APC: variants seen among roughly 807,000 people sequenced by gnomAD.
The protein encoded by APC is adenomatous polyposis coli protein.
Under a neutral mutation model 247.0 loss-of-function variants are expected in APC, and 72 were observed. That is an observed-to-expected ratio of 0.29 (90% CI 0.24 to 0.35). The LOEUF (loss-of-function observed/expected upper bound fraction) is 0.35. APC is among the 10% of genes least tolerant of loss of function. APC has a pLI of 1.00. For missense variants in APC, 3,400 were observed against 3,360.7 expected, an observed-to-expected ratio of 1.01 and a Z score of -0.29; for synonymous variants, 1,254 against 1,162.5, an observed-to-expected ratio of 1.08 and a Z score of -1.60.
intron 1 of APC, among the ~76,000 whole-genome samples, chr5:112,749,789 T>A (rs1462866873): frequency 6.6e-6 from 1 of 150,864 alleles, no homozygotes; most frequent in Non-Finnish European, 1.5e-5. Flanking sequence ...CTGGTCCAAT[T>A]TTTTAATAGT....
At position 112,764,284 on chromosome 5, in the gene APC, C is replaced by T. The variant is rs369196982; in HGVS notation, c.136-2042C>T. Among the ~76,000 whole-genome samples, 67 of 150,890 alleles carry T rather than the reference C, an allele frequency of 4.4e-4. 1 individual carries two copies. The highest frequency in any genetic ancestry group is 1.6e-3 in the African/African-American group (64 of 41,156). The stretch of plus-strand genomic sequence containing the variant: ...AAAAAGAGACCTGATCACAGCTGTG[C>T]CTTAAAAAGGCTGCTCTGACAGCTC... On this transcript the variant is annotated intron_variant, in intron 2 of 15. Transcript: ENST00000257430.
chr5:112,723,632 GTGT>G (rs1311313349), intron 1 of APC, among the ~76,000 whole-genome samples: 1 of 152,142 alleles, frequency 6.6e-6, no homozygotes, highest in East Asian at 1.9e-4. Context: ...TAGGAATAAT[GTGT>G]TGACCGGAAT....
chr5:112,749,103 T>C (rs1265241859), intron 1 of APC, among the ~76,000 whole-genome samples: 2 of 152,212 alleles, frequency 1.3e-5, no homozygotes, highest in African/African-American at 4.8e-5. Flanking sequence ...GAGTGACACA[T>C]ATAAATGATC....
intron 7 of APC, among the ~76,000 whole-genome samples, chr5:112,800,421 A>C (rs1228267192): frequency 6.6e-6 from 1 of 152,232 alleles, no homozygotes; most frequent in African/African-American, 2.4e-5. Context: ...GAAATGTTGC[A>C]TATAAATTAA....
intron 2 of APC, among the ~76,000 whole-genome samples, chr5:112,765,585 A>G (rs1412670242): frequency 6.6e-6 from 1 of 152,224 alleles, no homozygotes; most frequent in Non-Finnish European, 1.5e-5. Context: ...AGGAAACCTG[A>G]TTGGCCAAAG....
chr5:112,821,282 C>A (rs759245434), intron 10 of APC, among the ~76,000 whole-genome samples: 3 of 151,974 alleles, frequency 2.0e-5, no homozygotes, highest in Non-Finnish European at 4.4e-5. Flanking sequence ...CGGGCAGGAG[C>A]GGCACTTGAG....
chr5:112,826,743 A>G (rs1272858106), intron 11 of APC, among the ~76,000 whole-genome samples: 1 of 152,034 alleles, frequency 6.6e-6, no homozygotes, highest in African/African-American at 2.4e-5. Flanking sequence ...AGCCCTAATA[A>G]TAATAATAAG....
At chr5:112,819,753 GGGATACAGA>G (rs1464872529) in intron 10 of APC, among the ~76,000 whole-genome samples, 2 of 152,110 alleles carry the variant, frequency 1.3e-5, no homozygotes, top group Non-Finnish European at 2.9e-5. Context: ...TTATATTCAG[GGGATACAGA>G]GCAGCGTTAC....
At chr5:112,829,856 G>A (rs1041634893) in intron 14 of APC, 3 of 152,190 alleles carry the variant, frequency 2.0e-5, no homozygotes, top group African/African-American at 7.2e-5. Flanking sequence ...AGAGCCAAGG[G>A]TGAGGAATCA....
At chr5:112,754,287 C>T (rs186863746) in intron 1 of APC, among the ~76,000 whole-genome samples, 135 of 152,308 alleles carry the variant, frequency 8.9e-4, no homozygotes, top group Non-Finnish European at 1.6e-3. Context: ...GGCTTAAAGT[C>T]TTCATTTAAT....
intron 4 of APC, among the ~76,000 whole-genome samples, chr5:112,774,543 C>CTTGG (rs1034650037): frequency 6.7e-6 from 1 of 149,460 alleles, no homozygotes; most frequent in African/African-American, 2.4e-5. Context: ...TCACTGCAGC[C>CTTGG]TTGGCCTCCT....
At chr5:112,764,685 T>G in intron 2 of APC, among the ~76,000 whole-genome samples, 1 of 152,176 alleles carries the variant, frequency 6.6e-6, no homozygotes, top group East Asian at 1.9e-4. Flanking sequence ...CATTGGAAAT[T>G]AACTGCTCAA....
At chr5:112,754,269 A>T (rs1394338355) in intron 1 of APC, among the ~76,000 whole-genome samples, 1 of 152,222 alleles carries the variant, frequency 6.6e-6, no homozygotes, top group Admixed American at 6.5e-5. Context: ...CCATCTTCCT[A>T]TCAAAAAGGC....
intron 8 of APC, among the ~76,000 whole-genome samples, chr5:112,806,180 A>G (rs1468992087): frequency 6.6e-6 from 1 of 152,238 alleles, no homozygotes; most frequent in Non-Finnish European, 1.5e-5. Context: ...CGAACAGATC[A>G]AATCTCACTA....
Position 112,840,394 on chromosome 5 carries a change from A to G in APC, c.4800A>G (p.Lys1600=). The stretch of plus-strand genomic sequence containing the variant: ...AAAAGCCAGCCCAGACTGCTTCAAA[A>G]TTACCTCCACCTGTGGCAAGGAAAC... ...KAKKPAQTAS[K]LPPPVARKPS... Residue 1600 remains lysine, a synonymous_variant, in exon 16 of 16, where the codon AAA becomes AAG. Transcript: ENST00000257430. The surrounding 1 kb of genome is among the most constrained non-coding windows in gnomAD (Gnocchi z 4.1). The G allele has an allele frequency of 6.2e-7, 1 of 1,614,216 alleles. No homozygotes were observed. Among genetic ancestry groups the G allele is most frequent in the Non-Finnish European group, 8.5e-7 (1 of 1,180,036 alleles).
At chr5:112,780,279 T>A (rs753940803) in intron 5 of APC, among the ~76,000 whole-genome samples, 23 of 152,178 alleles carry the variant, frequency 1.5e-4, no homozygotes, top group Non-Finnish European at 2.6e-4. Flanking sequence ...CATGTAGGCT[T>A]TTTCTTGTCC....
intron 8 of APC, among the ~76,000 whole-genome samples, chr5:112,804,309 G>C (rs749744694): frequency 3.4e-4 from 51 of 152,118 alleles, no homozygotes; most frequent in Non-Finnish European, 3.4e-4. Context: ...GCTCCTCACT[G>C]TATGCCAGCC....
At chr5:112,771,842 T>C (rs913514391) in intron 4 of APC, among the ~76,000 whole-genome samples, 6 of 152,220 alleles carry the variant, frequency 3.9e-5, no homozygotes, top group Non-Finnish European at 8.8e-5. Flanking sequence ...TCTTCCTTTA[T>C]CTGTACTCCT....
At position 112,843,328 on chromosome 5, in the gene APC, A is replaced by AG; in HGVS notation, c.7735dup (p.Glu2579GlyfsTer4). On this transcript the variant is annotated frameshift_variant, in exon 16 of 16. Transcript: ENST00000257430. LOFTEE classifies it high-confidence loss of function. The surrounding 1 kb of genome is among the most constrained non-coding windows in gnomAD (Gnocchi z 4.8). ...CATCTTCAATTCTTTCTGCTTCATC[A>AG]GAATCCAGTGAAAAAGCAAAAAGTG... The AG allele has an allele frequency of 6.2e-7, 1 of 1,613,906 alleles. No individual in the cohort carries two copies. The highest frequency in any genetic ancestry group is 8.5e-7 in the Non-Finnish European group (1 of 1,179,806).
Sources: gnomAD v4.1 joint callset for allele counts (sites outside exome capture counted in the v4.1 genomes callset) on GRCh38, gnomAD v4.1.1 for gene constraint, Gnocchi (gnomAD v3.1) non-coding constraint, MANE v1.5 for transcripts, NCBI Gene and HGNC (gene_info 2026-07-23, HGNC 2026-07-21) for gene names.